Variants in HECTD2 observed in about 807,000 individuals in gnomAD.
HECTD2 encodes probable E3 ubiquitin-protein ligase HECTD2.
A neutral mutation model predicts 103.2 loss-of-function variants in HECTD2; 35 were observed. The observed-to-expected ratio is 0.34, with a 90% CI of 0.26 to 0.45. The LOEUF (loss-of-function observed/expected upper bound fraction) is 0.45, where lower values mean the gene tolerates loss of function less well. Ranked by LOEUF, HECTD2 falls within the 20% of genes least tolerant of loss-of-function variation. The pLI, the probability that HECTD2 is intolerant of heterozygous loss-of-function variation, is 1.00. For synonymous variants in HECTD2, 281 were observed against 329.9 expected, an observed-to-expected ratio of 0.85 and a Z score of 1.61; for missense variants, 596 against 937.4, an observed-to-expected ratio of 0.64 and a Z score of 4.76.
intron 5 of HECTD2, among the ~76,000 whole-genome samples, chr10:91,475,243 T>A (rs769539506): frequency 2.6e-5 from 4 of 152,174 alleles, no homozygotes; most frequent in Non-Finnish European, 4.4e-5. Context: ...AAAGTTGATA[T>A]TTGGATTAGC....
chr10:91,417,231 A>G (rs935100055), intron 1 of HECTD2, among the ~76,000 whole-genome samples: 4 of 152,120 alleles, frequency 2.6e-5, no homozygotes, highest in South Asian at 2.1e-4. Flanking sequence ...ATGAATAACT[A>G]CTTACTCTTA....
At chr10:91,445,384 T>A (rs907941328) in intron 2 of HECTD2, among the ~76,000 whole-genome samples, 2 of 152,172 alleles carry the variant, frequency 1.3e-5, no homozygotes, top group Admixed American at 1.3e-4. Flanking sequence ...TTGCTGCTGG[T>A]TACACGCTCT....
intron 20 of HECTD2, among the ~76,000 whole-genome samples, chr10:91,505,818 A>G (rs934912766): frequency 6.6e-6 from 1 of 152,170 alleles, no homozygotes; most frequent in African/African-American, 2.4e-5. Flanking sequence ...AACAGAATAT[A>G]CATTTTTTTC....
At chr10:91,468,698 T>C (rs986759990) in intron 5 of HECTD2, among the ~76,000 whole-genome samples, 3 of 152,078 alleles carry the variant, frequency 2.0e-5, no homozygotes, top group African/African-American at 7.2e-5. Context: ...AAATGGCTTG[T>C]TTTAAGAAAG....
chr10:91,483,116 C>T (rs535100453), intron 8 of HECTD2, 40 bp downstream of exon 8: 2 of 870,878 alleles, frequency 2.3e-6, no homozygotes, highest in East Asian at 2.5e-5. Flanking sequence ...TATAGTCTCA[C>T]AGTTTTAAGT....
intron 2 of HECTD2, 124 bp downstream of exon 2, chr10:91,425,534 G>T: frequency 3.4e-6 from 2 of 591,784 alleles, no homozygotes; most frequent in Non-Finnish European, 5.1e-6. Flanking sequence ...AGCTGTATAC[G>T]TATTTACCAG....
intron 15 of HECTD2, among the ~76,000 whole-genome samples, chr10:91,497,177 T>C (rs1006415582): frequency 7.8e-4 from 113 of 144,120 alleles, no homozygotes; most frequent in African/African-American, 2.7e-3. Flanking sequence ...GGTTTTGCCA[T>C]GTTGGCCAGG....
intron 17 of HECTD2, 27 bp from the exon 18 acceptor site, chr10:91,499,016 AT>A (rs761819653): frequency 6.4e-7 from 1 of 1,556,858 alleles, no homozygotes. Context: ...TACTTTTACT[AT>A]TTAAGAGATG....
At position 91,512,585 on chromosome 10, in the gene HECTD2, G is replaced by A. The variant is rs1847465876; in HGVS notation, c.*201G>A. On this transcript the variant is annotated 3_prime_UTR_variant, in exon 21 of 21. Coordinates refer to ENST00000298068, the MANE Select transcript of HECTD2 (RefSeq NM_182765.6). ...AAACACACACAGAAATCGCTTGAGT[G>A]AGGAAAAGTCCACATGGCAGAGACA... 3.9e-6 allele frequency: 2 copies of A among 519,306 alleles called. No homozygotes were observed. Among genetic ancestry groups the A allele is most frequent in the African/African-American group, 3.8e-5 (2 of 52,748 alleles). The allele number at this position is 519,306 out of a possible 1,614,324, so 32.2% of individuals were successfully genotyped here.
At chr10:91,468,847 G>A (rs562307445) in intron 5 of HECTD2, among the ~76,000 whole-genome samples, 1 of 148,564 alleles carries the variant, frequency 6.7e-6, no homozygotes, top group Non-Finnish European at 1.5e-5. Flanking sequence ...TTAGTGGGAG[G>A]ATCACTTGAG....
At chr10:91,419,733 T>C (rs578120580) in intron 1 of HECTD2, among the ~76,000 whole-genome samples, 1 of 152,294 alleles carries the variant, frequency 6.6e-6, no homozygotes, top group African/African-American at 2.4e-5. Flanking sequence ...TTAGTGTTTT[T>C]CCCTGTGTTC....
chr10:91,494,938 T>C (rs1025434238), intron 14 of HECTD2, among the ~76,000 whole-genome samples: 1 of 152,040 alleles, frequency 6.6e-6, no homozygotes, highest in Non-Finnish European at 1.5e-5. Flanking sequence ...ATACTATACA[T>C]AAAATCATGA....
In HECTD2 at chr10:91,487,496, A is replaced by G. The variant is rs1846305955; in HGVS notation, c.1095-186A>G. 1 of 638,184 alleles carries G rather than the reference A, an allele frequency of 1.6e-6. No homozygotes were observed. 39.5% of individuals were successfully genotyped at this position (638,184 alleles called of 1,614,324 possible). ...GAATAAAGGCATTGCACATCTAGTA[A>G]TGATACATTCTTCACATGGCTGTGA... On this transcript the variant is annotated intron_variant, in intron 10 of 20. Transcript: ENST00000298068. This position sits in a 1 kb window ranked among gnomAD's most constrained non-coding sequence, Gnocchi z 4.1.
chr10:91,440,527 C>T (rs1041958040), intron 2 of HECTD2, among the ~76,000 whole-genome samples: 22 of 150,678 alleles, frequency 1.5e-4, no homozygotes, highest in African/African-American at 5.1e-4. Context: ...GGGATATTGG[C>T]CTGAAATTTT....
chr10:91,491,834 A>C (rs1213780983), intron 12 of HECTD2, among the ~76,000 whole-genome samples: 1 of 151,860 alleles, frequency 6.6e-6, no homozygotes, highest in Non-Finnish European at 1.5e-5. Context: ...CCGCTATGTG[A>C]TTTATTTATT....
Position 91,410,372 on chromosome 10 carries a change from A to C in HECTD2, c.-67A>C, listed in dbSNP as rs972149650. On this transcript the variant is annotated 5_prime_UTR_variant, in exon 1 of 21. Coordinates refer to ENST00000298068, the MANE Select transcript of HECTD2 (RefSeq NM_182765.6). ...GCCCTCTCGCGGCCGCGGCGGCAGCAGCAGCGCCAGCCCCAGCAACACTGA... is the reference window on the plus strand; with the variant it reads ...GCCCTCTCGCGGCCGCGGCGGCAGCCGCAGCGCCAGCCCCAGCAACACTGA... 31 of 1,067,598 alleles carry C rather than the reference A, an allele frequency of 2.9e-5. No individual in the cohort carries two copies. The highest frequency in any genetic ancestry group is 3.6e-4 in the Middle Eastern group (1 of 2,742). The allele number at this position is 1,067,598 out of a possible 1,614,324, so 66.1% of individuals were successfully genotyped here. A position where few individuals can be genotyped will look rare whatever the true frequency, so the allele number is the denominator to read the frequency against.
At chr10:91,454,684 A>G (rs1844993426) in intron 2 of HECTD2, among the ~76,000 whole-genome samples, 3 of 152,048 alleles carry the variant, frequency 2.0e-5, no homozygotes, top group African/African-American at 7.2e-5. Context: ...CTCGTCATTT[A>G]CATTAGGTAT....
At chr10:91,474,822 T>C (rs1845847648) in intron 5 of HECTD2, among the ~76,000 whole-genome samples, 1 of 152,078 alleles carries the variant, frequency 6.6e-6, no homozygotes, top group Non-Finnish European at 1.5e-5. Context: ...TAATAAGAAG[T>C]GATTAGTGGT....
Position 91,487,377 on chromosome 10 carries a change from G to T in HECTD2, c.1095-305G>T. 3.2e-6 allele frequency: 1 copy of T among 316,460 alleles called. No individual in the cohort carries two copies. The highest frequency in any genetic ancestry group is 6.1e-6 in the Non-Finnish European group (1 of 162,622). The allele number at this position is 316,460 out of a possible 1,614,324, so 19.6% of individuals were successfully genotyped here. A position where few individuals can be genotyped will look rare whatever the true frequency, so the allele number is the denominator to read the frequency against. On this transcript the variant is annotated intron_variant, in intron 10 of 20. Transcript: ENST00000298068. This position sits in a 1 kb window ranked among gnomAD's most constrained non-coding sequence, Gnocchi z 4.1. ...CCCTCCTGGTTCTGGTATTGGCCAT[G>T]TTGTTCACAGGTGATGATATACAAT...
Sources: allele counts gnomAD v4.1 joint callset (sites outside exome capture counted in the v4.1 genomes callset), GRCh38; gene constraint gnomAD v4.1.1; non-coding constraint Gnocchi (gnomAD v3.1); transcripts MANE v1.5; gene names NCBI Gene and HGNC (gene_info 2026-07-23, HGNC 2026-07-21).